CAMTA1: variants seen among roughly 807,000 people sequenced by gnomAD.
CAMTA1 encodes calmodulin-binding transcription activator 1.
In CAMTA1, 27 loss-of-function variants were observed where a neutral mutation model predicts 170.9. That is an observed-to-expected ratio of 0.16 (90% confidence interval 0.12 to 0.22). CAMTA1 has a LOEUF of 0.22. Among genes scored for constraint, CAMTA1 ranks in the 10% least tolerant of loss-of-function variants. CAMTA1 has a pLI of 1.00. For synonymous variants in CAMTA1, 833 were observed against 891.5 expected (o/e 0.93, Z 1.17); for missense variants, 1,619 against 2,217.2 (o/e 0.73, Z 5.42).
chr1:7,086,541 C>A (rs1302438349), intron 3 of CAMTA1, among the ~76,000 whole-genome samples: 1 of 152,168 alleles, frequency 6.6e-6, no homozygotes, highest in Non-Finnish European at 1.5e-5. Flanking sequence ...CAGAAGGAAA[C>A]CCGACACCCA....
intron 1 of CAMTA1, among the ~76,000 whole-genome samples, chr1:6,806,775 T>TTA (rs1265903254): frequency 6.6e-6 from 1 of 152,240 alleles, no homozygotes; most frequent in Non-Finnish European, 1.5e-5. Flanking sequence ...AACTAGCAGA[T>TTA]TATATATATG....
chr1:7,706,356 C>G (rs1160369613), intron 11 of CAMTA1, among the ~76,000 whole-genome samples: 2 of 152,178 alleles, frequency 1.3e-5, no homozygotes, highest in African/African-American at 2.4e-5. Context: ...TAAAATTGTG[C>G]TCCCAAGTTT....
At chr1:7,139,983 T>G (rs1645800548) in intron 4 of CAMTA1, among the ~76,000 whole-genome samples, 1 of 152,258 alleles carries the variant, frequency 6.6e-6, no homozygotes. Context: ...GAGTGTTTAC[T>G]CTGTGCCTAA....
intron 6 of CAMTA1, among the ~76,000 whole-genome samples, chr1:7,509,988 C>A (rs1247066883): frequency 6.7e-6 from 1 of 150,356 alleles, no homozygotes; most frequent in Non-Finnish European, 1.5e-5. Context: ...CCCGAGTCAT[C>A]CTGCAAAAAC....
intron 5 of CAMTA1, among the ~76,000 whole-genome samples, chr1:7,418,260 A>G (rs548687698): frequency 6.6e-6 from 1 of 152,194 alleles, no homozygotes; most frequent in Admixed American, 6.5e-5. Context: ...CAGTGGTGCA[A>G]TCTCGGCTCA....
intron 5 of CAMTA1, among the ~76,000 whole-genome samples, chr1:7,343,574 G>T (rs1370599338): frequency 6.6e-6 from 1 of 152,148 alleles, no homozygotes; most frequent in African/African-American, 2.4e-5. Context: ...ATGACCTGCT[G>T]GTCAATCCAA....
chr1:7,076,530 G>T lies in CAMTA1; in HGVS notation c.235-14774G>T, dbSNP rs189387161. Among the ~76,000 whole-genome samples, 12 of 152,266 alleles carry T rather than the reference G, an allele frequency of 7.9e-5. No homozygotes were observed. In the East Asian group the frequency reaches 2.3e-3, roughly 29 times the overall value. On this transcript the variant is annotated intron_variant, in intron 3 of 22. Coordinates refer to ENST00000303635, the MANE Select transcript of CAMTA1 (RefSeq NM_015215.4). ...TTCTTTTCTTTCTAATAAAATCTGA[G>T]GTTCTAAGGATAGGGCCCATCTGGT...
intron 4 of CAMTA1, among the ~76,000 whole-genome samples, chr1:7,161,890 A>G (rs922173250): frequency 4.6e-5 from 7 of 152,288 alleles, no homozygotes; most frequent in Admixed American, 1.3e-4. Flanking sequence ...ATTGGCTCCA[A>G]TAGTACAATA....
chr1:7,007,116 A>T lies in CAMTA1; in HGVS notation c.235-84188A>T, dbSNP rs1699115981. Among the ~76,000 whole-genome samples the T allele has an allele frequency of 6.6e-6, 1 of 152,010 alleles. No homozygotes were observed. On this transcript the variant is annotated intron_variant, in intron 3 of 22. Transcript: ENST00000303635. The surrounding 1 kb of genome is among the most constrained non-coding windows in gnomAD (Gnocchi z 4.5). Reference sequence around the variant, plus strand: ...GTAGTCAGGGCCAAGGGGATGGATGATGGCTCGTGGTTGTTTGGTGGGCAC... The same window carrying T: ...GTAGTCAGGGCCAAGGGGATGGATGTTGGCTCGTGGTTGTTTGGTGGGCAC...
At chr1:7,255,352 G>A (rs924294130) in intron 5 of CAMTA1, among the ~76,000 whole-genome samples, 7 of 151,920 alleles carry the variant, frequency 4.6e-5, no homozygotes, top group Non-Finnish European at 5.9e-5. Context: ...ATGTGTCTTC[G>A]GTCTGTGGAC....
intron 11 of CAMTA1, among the ~76,000 whole-genome samples, chr1:7,688,570 A>G (rs1364779273): frequency 2.0e-5 from 3 of 152,124 alleles, no homozygotes; most frequent in Non-Finnish European, 4.4e-5. Context: ...AACACCCACC[A>G]TGGAGAAGAG....
chr1:7,219,734 C>T (rs1181709439), intron 4 of CAMTA1, among the ~76,000 whole-genome samples: 3 of 151,778 alleles, frequency 2.0e-5, no homozygotes, highest in African/African-American at 7.3e-5. Context: ...GATTAGTGCC[C>T]TTATAAGAAG....
At chr1:7,404,766 G>A (rs2090167838) in intron 5 of CAMTA1, among the ~76,000 whole-genome samples, 1 of 152,184 alleles carries the variant, frequency 6.6e-6, no homozygotes, top group South Asian at 2.1e-4. Context: ...TTCCTTTGGG[G>A]CAGCTGGAAG....
chr1:6,884,392 A>G (rs1432009782), intron 3 of CAMTA1, among the ~76,000 whole-genome samples: 1 of 152,116 alleles, frequency 6.6e-6, no homozygotes, highest in African/African-American at 2.4e-5. Flanking sequence ...AAAAATTGAT[A>G]ATATCAGGTA....
intron 3 of CAMTA1, chr1:7,008,459 C>T (rs1315030015): frequency 6.6e-6 from 1 of 152,144 alleles, no homozygotes; most frequent in Non-Finnish European, 1.5e-5. Context: ...GAGCTTGGCT[C>T]TGTGTGGGGC....
chr1:6,911,986 C>A (rs931016598), intron 3 of CAMTA1, among the ~76,000 whole-genome samples: 1 of 152,194 alleles, frequency 6.6e-6, no homozygotes, highest in Non-Finnish European at 1.5e-5. Flanking sequence ...TCCCTTCTTT[C>A]TCTTATCTTT....
chr1:7,147,956 A>T (rs535018690), intron 4 of CAMTA1, among the ~76,000 whole-genome samples: 1 of 151,542 alleles, frequency 6.6e-6, no homozygotes, highest in East Asian at 2.0e-4. Context: ...GCACACACAC[A>T]CTCATACACC....
chr1:7,523,826 T>C (rs2094397140), intron 6 of CAMTA1, among the ~76,000 whole-genome samples: 1 of 151,464 alleles, frequency 6.6e-6, no homozygotes, highest in Non-Finnish European at 1.5e-5. Context: ...GAGCTTGCCG[T>C]GAGCCAAGAT....
intron 5 of CAMTA1, chr1:7,389,394 G>A (rs1263731628): frequency 2.0e-5 from 3 of 152,470 alleles, no homozygotes; most frequent in Non-Finnish European, 4.4e-5. Flanking sequence ...ACACGTCAGC[G>A]TGTTCCCTTA....
Sources: allele counts gnomAD v4.1 joint callset (sites outside exome capture counted in the v4.1 genomes callset), GRCh38; gene constraint gnomAD v4.1.1; non-coding constraint Gnocchi (gnomAD v3.1); transcripts MANE v1.5; gene names NCBI Gene and HGNC (gene_info 2026-07-23, HGNC 2026-07-21).